Variants in PMEPA1 observed in about 807,000 individuals in gnomAD.
PMEPA1 encodes the protein protein TMEPAI.
In PMEPA1, 11 loss-of-function variants were observed where a neutral mutation model predicts 23.0. That is an observed-to-expected ratio of 0.48 (90% CI 0.30 to 0.79). PMEPA1 has a LOEUF of 0.79. Ranked by LOEUF, PMEPA1 falls within the 30% of genes least tolerant of loss-of-function variation. PMEPA1 has a pLI of 0.06. For missense variants in PMEPA1, 377 were observed against 390.9 expected (o/e 0.96, Z 0.30); for synonymous variants, 204 against 166.4 (o/e 1.23, Z -1.74).
rs757711363 is a variant in PMEPA1, at chr20:57,655,618, C to T, written c.265-2532G>A. Among the ~76,000 whole-genome samples, 1 of 151,972 alleles carries T rather than the reference C, an allele frequency of 6.6e-6. No homozygotes were observed. Among genetic ancestry groups the T allele is most frequent in the Non-Finnish European group, 1.5e-5 (1 of 67,912 alleles). ...CTTCCCCAGCCTCTGGCTATGTCTG[C>T]CAGTCACCCCAGGTGGAGGACAAGG... is the stretch of plus-strand genomic sequence containing the variant. On this transcript the variant is annotated intron_variant, in intron 2 of 3. Transcript: ENST00000341744. The surrounding 1 kb of genome is among the most constrained non-coding windows in gnomAD (Gnocchi z 4.2).
rs55640716 is a variant in PMEPA1 at position 57,653,413 on chromosome 20, G to A, written c.265-327C>T. On this transcript the variant is annotated intron_variant, in intron 2 of 3. Transcript: ENST00000341744. ...CGTGGGCCTCAGTGGCTTCTCACCAGGCTGAACATGGCCTCAGCCCCTCAC... is the reference window on the plus strand; with the variant it reads ...CGTGGGCCTCAGTGGCTTCTCACCAAGCTGAACATGGCCTCAGCCCCTCAC... 6.8e-3 allele frequency among the ~76,000 whole-genome samples: 1,037 copies of A among 152,278 alleles called. 16 individuals carry two copies. The highest frequency in any genetic ancestry group is 0.024 in the African/African-American group (990 of 41,564).
intron 1 of PMEPA1, among the ~76,000 whole-genome samples, chr20:57,667,256 C>T (rs1352964457): frequency 1.3e-5 from 2 of 152,142 alleles, no homozygotes; most frequent in Non-Finnish European, 2.9e-5. Flanking sequence ...GGGGGCAGAG[C>T]CTGGACCTGA....
intron 1 of PMEPA1, among the ~76,000 whole-genome samples, chr20:57,696,284 G>A (rs6099722): frequency 6.6e-6 from 1 of 152,178 alleles, no homozygotes; most frequent in African/African-American, 2.4e-5. Flanking sequence ...ACAGGCTTCA[G>A]GAAGAAAGAG....
At chr20:57,703,268 C>T (rs1285943113) in intron 1 of PMEPA1, among the ~76,000 whole-genome samples, 1 of 152,228 alleles carries the variant, frequency 6.6e-6, no homozygotes, top group Non-Finnish European at 1.5e-5. Flanking sequence ...TGGGGGACAT[C>T]AGGGCCTTTC....
At chr20:57,654,789 G>A (rs1011350212) in intron 2 of PMEPA1, among the ~76,000 whole-genome samples, 15 of 152,186 alleles carry the variant, frequency 9.9e-5, no homozygotes, top group Non-Finnish European at 1.6e-4. Context: ...TCTGTAGCAG[G>A]AGGGCTGGCG....
chr20:57,691,271 C>A (rs2071878473), intron 1 of PMEPA1, among the ~76,000 whole-genome samples: 2 of 152,194 alleles, frequency 1.3e-5, no homozygotes, highest in Non-Finnish European at 2.9e-5. Context: ...TGGCAAATGC[C>A]ACCCAGCCTT....
rs749402410 is a variant in PMEPA1, at chr20:57,652,871, G to A, written c.318+162C>T. Reference sequence around the variant, plus strand: ...CAGAGAGCTGGGCTGCTCCCTCAGGGGCAGGGAGCAGATGATCTCCGGCAA... The same window carrying A: ...CAGAGAGCTGGGCTGCTCCCTCAGGAGCAGGGAGCAGATGATCTCCGGCAA... On this transcript the variant is annotated intron_variant, in intron 3 of 3. Coordinates refer to ENST00000341744, the MANE Select transcript of PMEPA1 (RefSeq NM_020182.5). This position sits in a 1 kb window ranked among gnomAD's most constrained non-coding sequence, Gnocchi z 6.1. Among the ~76,000 whole-genome samples the A allele has an allele frequency of 3.3e-5, 5 of 152,178 alleles. No homozygotes were observed. Among genetic ancestry groups the A allele is most frequent in the Non-Finnish European group, 7.4e-5 (5 of 68,020 alleles).
chr20:57,693,412 T>C (rs1451186840), intron 1 of PMEPA1, among the ~76,000 whole-genome samples: 3 of 152,186 alleles, frequency 2.0e-5, no homozygotes, highest in African/African-American at 4.8e-5. Flanking sequence ...CAGGAAGGTC[T>C]GCCAAACCAC....
chr20:57,695,113 C>A (rs1357058661), intron 1 of PMEPA1, among the ~76,000 whole-genome samples: 4 of 152,262 alleles, frequency 2.6e-5, no homozygotes, highest in Admixed American at 1.3e-4. Context: ...AGGAAGGCAG[C>A]CTCGGCGTTT....
At chr20:57,710,470 GT>G, upstream of PMEPA1, 1 of 1,608,526 alleles carries the variant, frequency 6.2e-7, no homozygotes, top group Non-Finnish European at 8.5e-7. Flanking sequence ...CCATTGCCTG[GT>G]TTCGCAGGAG....
At position 57,682,983 on chromosome 20, in the gene PMEPA1, A is replaced by C. The variant is rs952142369; in HGVS notation, c.110-23286T>G. Among the ~76,000 whole-genome samples, 4 of 152,204 alleles carry C rather than the reference A, an allele frequency of 2.6e-5. No homozygotes were observed. Among genetic ancestry groups the C allele is most frequent in the South Asian group, 4.1e-4 (2 of 4,830 alleles). On this transcript the variant is annotated intron_variant, in intron 1 of 3. Coordinates refer to ENST00000341744, the MANE Select transcript of PMEPA1 (RefSeq NM_020182.5). The surrounding 1 kb of genome is among the most constrained non-coding windows in gnomAD (Gnocchi z 4.4). ...TCCGGCTTCTCCAACTCTTCAGAAAAGGAGAAGAAGAAGAAAAAAGAGTCC... is the reference window on the plus strand; with the variant it reads ...TCCGGCTTCTCCAACTCTTCAGAAACGGAGAAGAAGAAGAAAAAAGAGTCC...
chr20:57,690,170 C>T (rs530537426), intron 1 of PMEPA1, among the ~76,000 whole-genome samples: 30 of 152,364 alleles, frequency 2.0e-4, no homozygotes, highest in Non-Finnish European at 4.1e-4. Flanking sequence ...CATGTGGAAC[C>T]CTCCCTGCCT....
intron 1 of PMEPA1, among the ~76,000 whole-genome samples, chr20:57,664,707 G>A (rs203382): frequency 0.41 from 62,717 of 152,056 alleles, 13,130 homozygotes; most frequent in East Asian, 0.53. Flanking sequence ...AGGAGAGAAG[G>A]CCCAGCGCGG....
intron 1 of PMEPA1, among the ~76,000 whole-genome samples, chr20:57,688,796 T>C (rs563949521): frequency 1.2e-3 from 185 of 152,302 alleles, no homozygotes; most frequent in Non-Finnish European, 2.2e-3. Context: ...CCTGGGTCAG[T>C]ACTTGGAGCT....
At chr20:57,710,255 C>T (rs2072157185), upstream of PMEPA1, 2 of 584,784 alleles carry the variant, frequency 3.4e-6, no homozygotes, top group African/African-American at 2.0e-5. Context: ...GGAACGCCTG[C>T]CCGGCGCACG....
chr20:57,706,161 C>T (rs2072083349), intron 1 of PMEPA1, among the ~76,000 whole-genome samples: 1 of 152,318 alleles, frequency 6.6e-6, no homozygotes, highest in Non-Finnish European at 1.5e-5. Flanking sequence ...GCAGGGGCAC[C>T]TCCCAGAACT....
rs115217842 is a variant in PMEPA1, at chr20:57,662,903, G to T, written c.110-3206C>A. ...AGACAGCAGTGAGACGGTAGCTGGG[G>T]CTGCAGGGCCGGTGGGATGCAGGGG... On this transcript the variant is annotated intron_variant, in intron 1 of 3. Transcript: ENST00000341744. Among the ~76,000 whole-genome samples the T allele has an allele frequency of 6.9e-3, 1,051 of 152,350 alleles. 12 individuals are homozygous for T. The highest frequency in any genetic ancestry group is 0.024 in the African/African-American group (1,011 of 41,592).
chr20:57,687,064 G>A (rs996765532), intron 1 of PMEPA1, among the ~76,000 whole-genome samples: 8 of 152,176 alleles, frequency 5.3e-5, no homozygotes, highest in Admixed American at 2.0e-4. Flanking sequence ...CCTAATCTTC[G>A]CTCCTCTTGC....
intron 1 of PMEPA1, among the ~76,000 whole-genome samples, chr20:57,678,365 A>T (rs2071667560): frequency 6.6e-6 from 1 of 152,272 alleles, no homozygotes; most frequent in Non-Finnish European, 1.5e-5. Flanking sequence ...TCTCAAAATA[A>T]AAAGTTTTCT....
Sources: allele counts gnomAD v4.1 joint callset (sites outside exome capture counted in the v4.1 genomes callset), GRCh38; gene constraint gnomAD v4.1.1; non-coding constraint Gnocchi (gnomAD v3.1); transcripts MANE v1.5; gene names NCBI Gene and HGNC (gene_info 2026-07-23, HGNC 2026-07-21).